The following TULP4 variants were observed in gnomAD, a reference collection of about 807,000 sequenced individuals.
The protein encoded by TULP4 is tubby-related protein 4.
In TULP4, 16 loss-of-function variants were observed where a neutral mutation model predicts 129.0. The observed-to-expected ratio is 0.12, with a 90% confidence interval of 0.08 to 0.19. The LOEUF is 0.19. TULP4 is among the 10% of genes least tolerant of loss of function. TULP4 has a pLI of 1.00. For synonymous variants in TULP4, 998 were observed against 854.0 expected (o/e 1.17, Z -2.94); for missense variants, 1,842 against 2,059.1 (o/e 0.89, Z 2.04).
intron 1 of TULP4, among the ~76,000 whole-genome samples, chr6:158,243,848 GT>G (rs1583670050): frequency 2.6e-3 from 5 of 1,958 alleles, no homozygotes; most frequent in Admixed American, 7.9e-3. Context: ...GCTGAAATAG[GT>G]GTGTGTGTGT....
intron 1 of TULP4, among the ~76,000 whole-genome samples, chr6:158,365,889 C>CTT (rs1780937342): frequency 1.2e-5 from 1 of 84,532 alleles, no homozygotes; most frequent in Non-Finnish European, 2.4e-5. Flanking sequence ...TTTTTTTTTT[C>CTT]TTTTTCTTTC....
At position 158,239,355 on chromosome 6, in the gene TULP4, A is replaced by AG. The variant is rs1456260175; in HGVS notation, n.68+7058dup. ...TCCCGGACGGGGCGGCTGGCCGGGCAGGGGGGCTGACACCCCCCACCTCCC... is the reference window on the plus strand; with the variant it reads ...TCCCGGACGGGGCGGCTGGCCGGGCAGGGGGGGCTGACACCCCCCACCTCCC... On this transcript the variant is annotated intron_variant and non_coding_transcript_variant, in intron 1 of 1. Transcript: ENST00000620026. Among the ~76,000 whole-genome samples, 7 of 42,768 alleles carry AG rather than the reference A, an allele frequency of 1.6e-4. 1 individual carries two copies. The highest frequency in any genetic ancestry group is 3.1e-4 in the Non-Finnish European group (6 of 19,648). 28.1% of individuals were successfully genotyped at this position (42,768 alleles called of 152,430 possible).
At chr6:158,273,181 A>C (rs1326316195) in intron 1 of TULP4, among the ~76,000 whole-genome samples, 1 of 152,232 alleles carries the variant, frequency 6.6e-6, no homozygotes, top group Non-Finnish European at 1.5e-5. Flanking sequence ...GTAAGATGCT[A>C]AAAGAACAGA....
chr6:158,494,966 A>T, intron 11 of TULP4, 120 bp downstream of exon 11: 1 of 733,386 alleles, frequency 1.4e-6, no homozygotes, highest in Non-Finnish European at 2.2e-6. Context: ...ATTAGCATGT[A>T]TTTTACCTCT....
At chr6:158,388,336 T>TTTTC (rs1777502354) in intron 1 of TULP4, among the ~76,000 whole-genome samples, 1 of 135,558 alleles carries the variant, frequency 7.4e-6, no homozygotes, top group Non-Finnish European at 1.6e-5. Context: ...TTTTTTTTTT[T>TTTTC]TTTTTTTTTT....
chr6:158,320,581 G>A (rs1040566962), intron 1 of TULP4, among the ~76,000 whole-genome samples: 5 of 151,806 alleles, frequency 3.3e-5, no homozygotes, highest in African/African-American at 7.3e-5. Context: ...ACAGGTGCCC[G>A]CCACCACACC....
intron 3 of TULP4, among the ~76,000 whole-genome samples, chr6:158,436,801 G>A (rs765084704): frequency 1.3e-5 from 2 of 152,178 alleles, no homozygotes; most frequent in Non-Finnish European, 2.9e-5. Context: ...AGCTTTTCAG[G>A]TCTTGGCACA....
intron 6 of TULP4, among the ~76,000 whole-genome samples, chr6:158,473,902 C>T (rs1047351300): frequency 7.2e-5 from 11 of 152,146 alleles, no homozygotes; most frequent in Non-Finnish European, 7.4e-5. Flanking sequence ...ACTGTAGCCT[C>T]AACCTCCTGG....
intron 5 of TULP4, among the ~76,000 whole-genome samples, chr6:158,454,856 T>G (rs1199248524): frequency 6.6e-6 from 1 of 152,040 alleles, no homozygotes; most frequent in African/African-American, 2.4e-5. Flanking sequence ...TCCACCCGCC[T>G]GGGCCTCCCG....
chr6:158,486,137 GC>G (rs1773756536), intron 8 of TULP4, among the ~76,000 whole-genome samples: 1 of 152,154 alleles, frequency 6.6e-6, no homozygotes, highest in Non-Finnish European at 1.5e-5. Flanking sequence ...ACTGAATTGT[GC>G]CCCCACGTCA....
intron 1 of TULP4, among the ~76,000 whole-genome samples, chr6:158,332,163 C>G (rs1252139383): frequency 1.0e-5 from 1 of 95,274 alleles, no homozygotes; most frequent in Non-Finnish European, 2.0e-5. Flanking sequence ...CAGAGTAAGA[C>G]TCTGTCAAAA....
In TULP4 at chr6:158,494,735, C is replaced by G; in HGVS notation, c.1777-18C>G. 1 of 1,593,874 alleles carries G rather than the reference C, an allele frequency of 6.3e-7. No homozygotes were observed. The highest frequency in any genetic ancestry group is 8.6e-7 in the Non-Finnish European group (1 of 1,169,150). The stretch of plus-strand genomic sequence containing the variant: ...AAATAGATTGTGATTCTTCTTTTTT[C>G]TTTTCTTCCTACCGCAGCACAACTA... On this transcript the variant is annotated intron_variant, in intron 10 of 13. Coordinates refer to ENST00000367097, the MANE Select transcript of TULP4 (RefSeq NM_020245.5).
At chr6:158,241,871 G>T in intron 1 of TULP4, 1 of 690,626 alleles carries the variant, frequency 1.4e-6, no homozygotes, top group Non-Finnish European at 2.7e-6. Flanking sequence ...GGGATTACAG[G>T]CATGAGCCAC....
At chr6:158,418,845 T>A (rs1778273730) in intron 2 of TULP4, among the ~76,000 whole-genome samples, 1 of 152,238 alleles carries the variant, frequency 6.6e-6, no homozygotes, top group Non-Finnish European at 1.5e-5. Flanking sequence ...GTAAAATTGC[T>A]GGTATCTCTA....
intron 1 of TULP4, among the ~76,000 whole-genome samples, chr6:158,260,824 CTTTTT>C (rs1204254398): frequency 4.7e-5 from 3 of 64,194 alleles, no homozygotes; most frequent in African/African-American, 7.1e-5. Flanking sequence ...CTTTTCTTTT[CTTTTT>C]TTTTTTTGAG....
intron 9 of TULP4, among the ~76,000 whole-genome samples, chr6:158,490,752 T>C (rs1780180803): frequency 1.3e-5 from 2 of 152,170 alleles, no homozygotes; most frequent in South Asian, 2.1e-4. Context: ...AAACTTCATA[T>C]GATATGTCAA....
In TULP4 at chr6:158,423,279, A is replaced by C. The variant is rs140177657; in HGVS notation, c.382-6457A>C. ...TCTTAGACTGGATGCAGAAAACGTGATCCATAAAAGAAAAAACTTGATATT... is the reference window on the plus strand; with the variant it reads ...TCTTAGACTGGATGCAGAAAACGTGCTCCATAAAAGAAAAAACTTGATATT... On this transcript the variant is annotated intron_variant, in intron 2 of 13. Coordinates refer to ENST00000367097, the MANE Select transcript of TULP4 (RefSeq NM_020245.5). 1.1e-3 allele frequency among the ~76,000 whole-genome samples: 168 copies of C among 152,380 alleles called. 1 individual carries two copies. The highest frequency in any genetic ancestry group is 3.8e-3 in the African/African-American group (160 of 41,592).
chr6:158,279,096 C>A (rs576880617), upstream of TULP4, among the ~76,000 whole-genome samples: 5 of 151,608 alleles, frequency 3.3e-5, no homozygotes, highest in Admixed American at 3.3e-4. Context: ...TGCCACTATG[C>A]CCGGCTAATT....
chr6:158,385,405 C>T (rs952911575), intron 1 of TULP4, among the ~76,000 whole-genome samples: 10 of 152,010 alleles, frequency 6.6e-5, no homozygotes, highest in Non-Finnish European at 1.5e-4. Context: ...CATTTTGGTC[C>T]CAATAAGCAG....
Sources: gnomAD v4.1 joint callset for allele counts (sites outside exome capture counted in the v4.1 genomes callset) on GRCh38, gnomAD v4.1.1 for gene constraint, MANE v1.5 for transcripts, NCBI Gene and HGNC (gene_info 2026-07-23, HGNC 2026-07-21) for gene names.